The following SAR1A variants were observed in gnomAD, a reference collection of about 807,000 sequenced individuals.
SAR1A encodes the protein small COPII coat GTPase SAR1A.
SAR1A carries 6 observed loss-of-function variants against 22.6 expected under a neutral mutation model. The observed-to-expected ratio is 0.27, with a 90% CI of 0.15 to 0.52. SAR1A has a LOEUF of 0.52. Among genes scored for constraint, SAR1A ranks in the 20% least tolerant of loss-of-function variants. SAR1A has a pLI of 0.96. For missense variants in SAR1A, 145 were observed against 245.1 expected (o/e 0.59, Z 2.73); for synonymous variants, 70 against 82.2 (o/e 0.85, Z 0.80).
At chr10:70,161,137 A>C in intron 3 of SAR1A, 68 bp from the exon 4 acceptor site, 1 of 1,089,682 alleles carries the variant, frequency 9.2e-7, no homozygotes, top group South Asian at 1.4e-5. Context: ...TAGTACTATA[A>C]GCCAATATCA....
intron 1 of SAR1A, 81 bp from the exon 2 acceptor site, chr10:70,162,012 C>T: frequency 1.0e-6 from 1 of 983,770 alleles, no homozygotes; most frequent in East Asian, 2.6e-5. Context: ...TGTTCCCTAG[C>T]CATGATGCAC....
At chr10:70,160,900 G>A (rs1315772265) in intron 4 of SAR1A, 104 bp downstream of exon 4, 9 of 682,806 alleles carry the variant, frequency 1.3e-5, no homozygotes, top group Non-Finnish European at 2.2e-5. Context: ...ATTCTAAAAT[G>A]TAAGTAATTT....
chr10:70,153,445 T>C (rs1351057859), intron 6 of SAR1A, among the ~76,000 whole-genome samples: 1 of 152,248 alleles, frequency 6.6e-6, no homozygotes, highest in Non-Finnish European at 1.5e-5. Flanking sequence ...AATCAAGTGC[T>C]TTGATTTCAA....
Position 70,149,631 on chromosome 10 carries a change from C to G in SAR1A, c.*2845G>C, listed in dbSNP as rs1366728403. The G allele has an allele frequency of 1.5e-5, 2 of 131,108 alleles. No individual in the cohort carries two copies. The highest frequency in any genetic ancestry group is 3.1e-5 in the Non-Finnish European group (2 of 64,462). The allele number at this position is 131,108 out of a possible 1,614,324, so 8.1% of individuals were successfully genotyped here. The stretch of plus-strand genomic sequence containing the variant: ...AGTACAGTGGCATGATCTCGGCTCA[C>G]TTCAATCTCCACCTCCTAGTTCAAG... On this transcript the variant is annotated 3_prime_UTR_variant, in exon 7 of 7. Coordinates refer to ENST00000373241, the MANE Select transcript of SAR1A (RefSeq NM_020150.5).
intron 5 of SAR1A, among the ~76,000 whole-genome samples, 173 bp from the exon 6 acceptor site, chr10:70,154,142 T>C (rs746572830): frequency 6.6e-6 from 1 of 152,240 alleles, no homozygotes; most frequent in Non-Finnish European, 1.5e-5. Context: ...TGACATTACA[T>C]AACACCCATG....
chr10:70,155,247 T>C, intron 5 of SAR1A: 1 of 393,974 alleles, frequency 2.5e-6, no homozygotes, highest in Admixed American at 3.1e-5. Context: ...AGGTAGAGCA[T>C]TCAATGAATA....
intron 1 of SAR1A, chr10:70,166,764 T>C (rs1435104493): frequency 2.0e-5 from 3 of 151,356 alleles, no homozygotes; most frequent in South Asian, 2.1e-4. Context: ...AGGTGGGGGA[T>C]TCCTCCCTGA....
At chr10:70,170,219 G>A (rs986415346) in intron 1 of SAR1A, among the ~76,000 whole-genome samples, 194 bp downstream of exon 1, 2 of 151,982 alleles carry the variant, frequency 1.3e-5, no homozygotes, top group Non-Finnish European at 2.9e-5. Context: ...AAAGAGGACA[G>A]CAGGGGACGG....
intron 1 of SAR1A, chr10:70,167,597 C>T: frequency 6.9e-6 from 1 of 145,588 alleles, no homozygotes; most frequent in South Asian, 2.2e-4. Context: ...AGCAGGACTC[C>T]ATCTCAAAAA....
chr10:70,163,175 TA>T (rs1411605879), intron 1 of SAR1A: 1 of 152,306 alleles, frequency 6.6e-6, no homozygotes, highest in Non-Finnish European at 1.5e-5. Flanking sequence ...TGAAGAAAAT[TA>T]AAAGTGCTAC....
chr10:70,155,281 G>T (rs1203424364), intron 5 of SAR1A, among the ~76,000 whole-genome samples: 1 of 151,974 alleles, frequency 6.6e-6, no homozygotes, highest in Non-Finnish European at 1.5e-5. Context: ...TTTGAAGAAA[G>T]AATTGAAGAG....
At chr10:70,156,326 CAG>C (rs1457017523) in intron 5 of SAR1A, among the ~76,000 whole-genome samples, 1 of 152,000 alleles carries the variant, frequency 6.6e-6, no homozygotes, top group Non-Finnish European at 1.5e-5. Context: ...AAGTATCAGC[CAG>C]AGAGGTAGCT....
intron 1 of SAR1A, 37 bp from the exon 2 acceptor site, chr10:70,161,968 T>G: frequency 7.1e-7 from 1 of 1,407,938 alleles, no homozygotes. Flanking sequence ...ATTAGCTTTC[T>G]GAATGACAGT....
intron 1 of SAR1A, among the ~76,000 whole-genome samples, chr10:70,168,402 C>T (rs1162405135): frequency 6.6e-6 from 1 of 152,130 alleles, no homozygotes; most frequent in Non-Finnish European, 1.5e-5. Context: ...CGAGATCAGC[C>T]TGGCCAACAT....
intron 6 of SAR1A, among the ~76,000 whole-genome samples, chr10:70,153,470 T>C (rs1212498256): frequency 1.3e-5 from 2 of 152,194 alleles, no homozygotes; most frequent in Non-Finnish European, 2.9e-5. Context: ...TGGAAAGTGA[T>C]TGAAATGATT....
chr10:70,154,730 G>C (rs1041263261), intron 5 of SAR1A, among the ~76,000 whole-genome samples: 1 of 152,108 alleles, frequency 6.6e-6, no homozygotes, highest in African/African-American at 2.4e-5. Context: ...CAAAATGCTG[G>C]AATTACAGGC....
At chr10:70,168,541 G>A (rs543758716) in intron 1 of SAR1A, among the ~76,000 whole-genome samples, 14 of 152,206 alleles carry the variant, frequency 9.2e-5, no homozygotes, top group South Asian at 4.1e-4. Context: ...GTAGTGAGCC[G>A]AGGTCATGAC....
intron 1 of SAR1A, among the ~76,000 whole-genome samples, chr10:70,168,899 C>G (rs1262299397): frequency 1.3e-5 from 2 of 152,092 alleles, no homozygotes; most frequent in Admixed American, 1.3e-4. Flanking sequence ...CATCATGGCT[C>G]ACTGCAGCCT....
rs531922662 is a variant in SAR1A at position 70,150,836 on chromosome 10, A to C, written c.*1640T>G. 6.6e-6 allele frequency: 1 copy of C among 152,470 alleles called. No individual in the cohort carries two copies. Among genetic ancestry groups the C allele is most frequent in the Non-Finnish European group, 1.5e-5 (1 of 68,016 alleles). The allele number at this position is 152,470 out of a possible 1,614,324, so 9.4% of individuals were successfully genotyped here. ...TCTGCATTCAGTACCTGGCAGTGAA[A>C]AAGTATGCTTTCCCCACAAGTCAGT... On this transcript the variant is annotated 3_prime_UTR_variant, in exon 7 of 7. Coordinates refer to ENST00000373241, the MANE Select transcript of SAR1A (RefSeq NM_020150.5).
Sources: allele counts gnomAD v4.1 joint callset (sites outside exome capture counted in the v4.1 genomes callset), GRCh38; gene constraint gnomAD v4.1.1; transcripts MANE v1.5; gene names NCBI Gene and HGNC (gene_info 2026-07-23, HGNC 2026-07-21).